Variants in NIPAL3 observed in about 807,000 individuals in gnomAD.
NIPAL3 encodes the protein NIPA like domain containing 3, also known as NIPA-like protein 3.
NIPAL3 carries 41 observed loss-of-function variants against 47.2 expected under a neutral mutation model. The ratio of observed to expected loss-of-function variants is 0.87; its 90% CI spans 0.68 to 1.13. NIPAL3 has a LOEUF of 1.13. Among genes scored for constraint, NIPAL3 ranks in the 50% most tolerant of loss-of-function variants. The pLI is 0.00. For missense variants in NIPAL3, 449 were observed against 530.1 expected (o/e 0.85, Z 1.50); for synonymous variants, 194 against 209.6 (o/e 0.93, Z 0.64).
chr1:24,460,186 T>C (rs1307214077), intron 9 of NIPAL3, among the ~76,000 whole-genome samples: 5 of 152,208 alleles, frequency 3.3e-5, no homozygotes, highest in African/African-American at 1.2e-4. Context: ...AAGATATGAC[T>C]GGGGAAAGCT....
At chr1:24,453,999 A>G in intron 7 of NIPAL3, 1 of 461,534 alleles carries the variant, frequency 2.2e-6, no homozygotes, top group Non-Finnish European at 4.3e-6. Context: ...CTCCTGAATC[A>G]GCTTGAGGCT....
rs955820342 is a variant in NIPAL3, at chr1:24,449,411, GGC to G, written c.395-69_395-68del. 4.7e-6 allele frequency: 7 copies of G among 1,495,430 alleles called. No individual in the cohort carries two copies. In the Admixed American group the frequency reaches 5.7e-5, roughly 12 times the overall value. The allele number at this position is 1,495,430 out of a possible 1,614,324, so 92.6% of individuals were successfully genotyped here. A position where few individuals can be genotyped will look rare whatever the true frequency, so the allele number is the denominator to read the frequency against. On this transcript the variant is annotated intron_variant, in intron 5 of 11. Transcript: ENST00000374399. This position sits in a 1 kb window ranked among gnomAD's most constrained non-coding sequence, Gnocchi z 4.5. ...TTGCAGGAGAAGCCTGTTTTTTCAT[GGC>G]TGAGAACGTGTACTGTATCTTGGGC...
chr1:24,447,555 TA>T (rs199790179), intron 5 of NIPAL3, among the ~76,000 whole-genome samples: 23 of 145,468 alleles, frequency 1.6e-4, no homozygotes, highest in Admixed American at 2.8e-4. Flanking sequence ...AATTTTACTC[TA>T]AAAAAAAAAG....
chr1:24,420,903 C>T (rs1171657874), intron 2 of NIPAL3, among the ~76,000 whole-genome samples: 4 of 152,110 alleles, frequency 2.6e-5, no homozygotes, highest in Non-Finnish European at 4.4e-5. Context: ...ATAGGTACAA[C>T]GAATAGGTCA....
At chr1:24,452,853 A>AT (rs3054551) in intron 6 of NIPAL3, among the ~76,000 whole-genome samples, 61,463 of 123,944 alleles carry the variant, frequency 0.5, 15,711 homozygotes, top group East Asian at 0.7. Context: ...CGCCCAGCTA[A>AT]TTTTTTTTTT....
At chr1:24,460,958 C>T (rs1646442232) in intron 10 of NIPAL3, among the ~76,000 whole-genome samples, 1 of 152,120 alleles carries the variant, frequency 6.6e-6, no homozygotes, top group African/African-American at 2.4e-5. Flanking sequence ...TTAACAACAG[C>T]AACAAAAAAT....
chr1:24,456,242 T>G lies in NIPAL3; in HGVS notation c.742T>G (p.Cys248Gly). 6.2e-7 allele frequency: 1 copy of G among 1,614,232 alleles called. No homozygotes were observed. Among genetic ancestry groups the G allele is most frequent in the Non-Finnish European group, 8.5e-7 (1 of 1,180,042 alleles). ...CCCCATCTTCTACGTGATGTTCGTG[T>G]GCATGGTGGCAACCGCCGTCTATCA... ...DYPIFYVMFV[C>G]MVATAVYQAA... The change falls in exon 8 of 12, where the codon TGC becomes GGC. Residue 248 changes from cysteine (C) to glycine (G), a missense_variant. Transcript: ENST00000374399.
intron 2 of NIPAL3, among the ~76,000 whole-genome samples, chr1:24,433,533 G>T (rs1350476019): frequency 1.3e-5 from 2 of 152,208 alleles, no homozygotes; most frequent in Non-Finnish European, 2.9e-5. Flanking sequence ...AAGCCAAGTA[G>T]TTCAGGTCTT....
At chr1:24,428,471 T>G (rs1291124614) in intron 2 of NIPAL3, among the ~76,000 whole-genome samples, 1 of 152,202 alleles carries the variant, frequency 6.6e-6, no homozygotes, top group Non-Finnish European at 1.5e-5. Flanking sequence ...AAGGAAGGAA[T>G]GCTGCCCAGA....
intron 6 of NIPAL3, among the ~76,000 whole-genome samples, chr1:24,450,563 A>G (rs1456946008): frequency 6.6e-6 from 1 of 152,216 alleles, no homozygotes; most frequent in Non-Finnish European, 1.5e-5. Flanking sequence ...TTCTTGTTCC[A>G]TGCCCTGCGC....
At chr1:24,453,299 C>T in intron 6 of NIPAL3, 109 bp from the exon 7 acceptor site, 1 of 704,338 alleles carries the variant, frequency 1.4e-6, no homozygotes, top group Admixed American at 2.4e-5. Context: ...ATAGCTCAGT[C>T]ATTCCCTTTC....
chr1:24,415,953 G>T (rs1205331951), intron 1 of NIPAL3, 49 bp downstream of exon 1: 19 of 984,542 alleles, frequency 1.9e-5, no homozygotes, highest in Non-Finnish European at 2.3e-5. Flanking sequence ...TTTAACCTTC[G>T]TTTTTTTCTG....
At chr1:24,432,668 G>T (rs1296953212) in intron 2 of NIPAL3, among the ~76,000 whole-genome samples, 3 of 152,164 alleles carry the variant, frequency 2.0e-5, no homozygotes, top group African/African-American at 4.8e-5. Flanking sequence ...TATCCTCTGT[G>T]CCTCAGCTTC....
At position 24,454,767 on chromosome 1, in the gene NIPAL3, C is replaced by G. The variant is rs1646118146; in HGVS notation, c.637+1263C>G. ...GCAACCACTAAGCTATCTTCTGTCC[C>G]TGTAGATTTGCCTTTTTGAACACCT... On this transcript the variant is annotated intron_variant, in intron 7 of 11. Coordinates refer to ENST00000374399, the MANE Select transcript of NIPAL3 (RefSeq NM_020448.5). This position sits in a 1 kb window ranked among gnomAD's most constrained non-coding sequence, Gnocchi z 4.1. 1 of 160,218 alleles carries G rather than the reference C, an allele frequency of 6.2e-6. No homozygotes were observed. 9.9% of individuals were successfully genotyped at this position (160,218 alleles called of 1,614,324 possible).
intron 2 of NIPAL3, among the ~76,000 whole-genome samples, chr1:24,436,798 C>CT (rs1164814468): frequency 1.3e-5 from 2 of 152,066 alleles, no homozygotes; most frequent in African/African-American, 4.8e-5. Context: ...CGCGCCCAGC[C>CT]TTTTGTTTGC....
chr1:24,430,116 G>A (rs1053037442), intron 2 of NIPAL3, among the ~76,000 whole-genome samples: 4 of 152,084 alleles, frequency 2.6e-5, no homozygotes, highest in African/African-American at 9.7e-5. Flanking sequence ...ATGAGGTAGA[G>A]TTTAGCATCT....
chr1:24,469,147 GT>G lies in NIPAL3; in HGVS notation c.1184del (p.Val395AlafsTer6). On this transcript the variant is annotated frameshift_variant, in exon 12 of 12. Coordinates refer to ENST00000374399, the MANE Select transcript of NIPAL3 (RefSeq NM_020448.5). LOFTEE classifies it high-confidence loss of function. ...GCACGGCTCCAGAAGTGCCTCTGGG[GT>G]CCCCTACCGAGTCCTAGAGCACACC... Reference protein sequence around the residue: ...EEHGSRSASGVPYRVLEHTKK... With the variant: ...EEHGSRSASGXPYRVLEHTKK... The G allele has an allele frequency of 6.2e-7, 1 of 1,613,972 alleles. No homozygotes were observed. The highest frequency in any genetic ancestry group is 1.1e-5 in the South Asian group (1 of 91,080).
chr1:24,440,635 A>G (rs575954249), intron 3 of NIPAL3, among the ~76,000 whole-genome samples: 15 of 152,226 alleles, frequency 9.9e-5, no homozygotes, highest in African/African-American at 3.4e-4. Flanking sequence ...GGATCCCCCC[A>G]CTGACCTCCA....
chr1:24,462,965 C>CAAAAATACT (rs1287297669), intron 10 of NIPAL3, among the ~76,000 whole-genome samples: 1 of 152,048 alleles, frequency 6.6e-6, no homozygotes, highest in Non-Finnish European at 1.5e-5. Context: ...TTACAAAATA[C>CAAAAATACT]AAAAATACTA....
Sources: gnomAD v4.1 joint callset for allele counts (sites outside exome capture counted in the v4.1 genomes callset) on GRCh38, gnomAD v4.1.1 for gene constraint, Gnocchi (gnomAD v3.1) non-coding constraint, MANE v1.5 for transcripts, NCBI Gene and HGNC (gene_info 2026-07-23, HGNC 2026-07-21) for gene names.